RNLS: variants seen among roughly 807,000 people sequenced by gnomAD.
RNLS encodes the protein renalase.
RNLS carries 39 observed loss-of-function variants against 39.8 expected under a neutral mutation model. The ratio of observed to expected loss-of-function variants is 0.98; its 90% CI spans 0.76 to 1.28. RNLS has a LOEUF of 1.28. RNLS is among the 50% of genes most tolerant of loss of function. RNLS has a pLI of 0.00. For synonymous variants in RNLS, 147 were observed against 150.7 expected (o/e 0.98, Z 0.18); for missense variants, 410 against 413.3 (o/e 0.99, Z 0.07).
intron 4 of RNLS, among the ~76,000 whole-genome samples, chr10:88,471,962 C>T (rs1014926508): frequency 2.0e-5 from 3 of 152,054 alleles, no homozygotes; most frequent in Non-Finnish European, 4.4e-5. Flanking sequence ...AAAAAAAAGT[C>T]TTCACCATAA....
At chr10:88,351,854 T>C (rs1019113447) in intron 5 of RNLS, among the ~76,000 whole-genome samples, 1 of 152,258 alleles carries the variant, frequency 6.6e-6, no homozygotes, top group Non-Finnish European at 1.5e-5. Context: ...TGTTCTTCCA[T>C]TTGTTTGTGT....
At chr10:88,282,667 C>T (rs1221744518), downstream of RNLS, among the ~76,000 whole-genome samples, 1 of 151,990 alleles carries the variant, frequency 6.6e-6, no homozygotes, top group Non-Finnish European at 1.5e-5. Context: ...TCTTCCTCCC[C>T]GCCCTCCCCC....
Position 88,342,939 on chromosome 10 carries a change from T to C in RNLS, c.700+19613A>G, listed in dbSNP as rs532540383. ...ATTAGAACACAGCCACGCCCATTCT[T>C]TTATATGTCTATTGCTTGGGTTACA... On this transcript the variant is annotated intron_variant, in intron 5 of 6. Coordinates refer to ENST00000331772, the MANE Select transcript of RNLS (RefSeq NM_001031709.3). Among the ~76,000 whole-genome samples, 3 of 152,336 alleles carry C rather than the reference T, an allele frequency of 2.0e-5. No individual in the cohort carries two copies. In the East Asian group the frequency reaches 5.8e-4, roughly 29 times the overall value.
At chr10:88,446,273 A>G (rs1842030412) in intron 4 of RNLS, among the ~76,000 whole-genome samples, 1 of 152,262 alleles carries the variant, frequency 6.6e-6, no homozygotes, top group South Asian at 2.1e-4. Flanking sequence ...CAACGAGAAC[A>G]AAGACACAAC....
intron 4 of RNLS, among the ~76,000 whole-genome samples, chr10:88,394,829 T>C (rs1425841848): frequency 6.6e-6 from 1 of 152,064 alleles, no homozygotes; most frequent in Non-Finnish European, 1.5e-5. Flanking sequence ...ATTAAGAAAA[T>C]GTGGCACATA....
At chr10:88,545,465 A>C (rs905788000) in intron 4 of RNLS, 1 of 456,188 alleles carries the variant, frequency 2.2e-6, no homozygotes, top group African/African-American at 2.0e-5. Context: ...ACGTGGTGGC[A>C]GGCAAGACAG....
intron 4 of RNLS, among the ~76,000 whole-genome samples, chr10:88,381,659 T>G (rs924558872): frequency 6.6e-6 from 1 of 152,016 alleles, no homozygotes; most frequent in African/African-American, 2.4e-5. Context: ...TAAACAAATA[T>G]TAAGATGATA....
chr10:88,534,238 C>T lies in RNLS; in HGVS notation c.526+38665G>A, dbSNP rs150366474. 3.4e-3 allele frequency among the ~76,000 whole-genome samples: 520 copies of T among 152,162 alleles called. 6 individuals carry two copies. Among genetic ancestry groups the T allele is most frequent in the Non-Finnish European group, 2.4e-3 (161 of 67,986 alleles). On this transcript the variant is annotated intron_variant, in intron 4 of 6. Transcript: ENST00000331772. ...ATTTGTTTTATGGACTGGAGACCTGCAGCATTATGTAACATAGAAGCCCTG... is the reference window on the plus strand; with the variant it reads ...ATTTGTTTTATGGACTGGAGACCTGTAGCATTATGTAACATAGAAGCCCTG...
chr10:88,275,041 CA>C (rs1007322355), intron 6 of RNLS: 14 of 1,610,416 alleles, frequency 8.7e-6, no homozygotes, highest in Non-Finnish European at 1.1e-5. Context: ...ACCTGAAAAT[CA>C]AAGGAATATC....
intron 6 of RNLS, chr10:88,309,588 T>A: frequency 1.7e-6 from 1 of 584,702 alleles, no homozygotes; most frequent in Non-Finnish European, 2.9e-6. Context: ...GGAAAAGGCC[T>A]GAAGGAGCCA....
chr10:88,456,574 T>C (rs1842640663), intron 4 of RNLS, among the ~76,000 whole-genome samples: 1 of 152,154 alleles, frequency 6.6e-6, no homozygotes, highest in Non-Finnish European at 1.5e-5. Context: ...GTCCTGTGCC[T>C]GTGACATCAC....
intron 6 of RNLS, among the ~76,000 whole-genome samples, chr10:88,277,401 A>G (rs975281193): frequency 6.6e-6 from 1 of 152,204 alleles, no homozygotes; most frequent in African/African-American, 2.4e-5. Flanking sequence ...TGGGTGCAGC[A>G]AACCAACATG....
chr10:88,449,702 C>A (rs1333877767), intron 4 of RNLS, among the ~76,000 whole-genome samples: 1 of 151,976 alleles, frequency 6.6e-6, no homozygotes, highest in African/African-American at 2.4e-5. Flanking sequence ...ATTTTTAATA[C>A]TAGAGTTAAG....
At chr10:88,563,146 T>C (rs1179489195) in intron 4 of RNLS, among the ~76,000 whole-genome samples, 1 of 152,156 alleles carries the variant, frequency 6.6e-6, no homozygotes, top group Admixed American at 6.5e-5. Context: ...CCTAAACTAA[T>C]GCAGTGTAAT....
At chr10:88,236,538 T>C in the RNLS span, among the ~76,000 whole-genome samples, 6 of 152,202 alleles carry the variant, frequency 3.9e-5, no homozygotes, top group Non-Finnish European at 8.8e-5. Flanking sequence ...GGTAAATGGT[T>C]GCTCAACACA....
intron 4 of RNLS, among the ~76,000 whole-genome samples, chr10:88,388,913 T>C (rs1396977801): frequency 6.6e-6 from 1 of 152,182 alleles, no homozygotes; most frequent in African/African-American, 2.4e-5. Context: ...TATCAGGGAA[T>C]TAACATACCC....
chr10:88,366,374 T>C (rs567583292), intron 4 of RNLS, among the ~76,000 whole-genome samples: 49 of 152,008 alleles, frequency 3.2e-4, no homozygotes, highest in Non-Finnish European at 1.3e-4. Context: ...CAAGCAGCTA[T>C]TGCAGAAGTC....
At chr10:88,333,477 G>A (rs1024905009) in intron 5 of RNLS, among the ~76,000 whole-genome samples, 3 of 152,116 alleles carry the variant, frequency 2.0e-5, no homozygotes, top group South Asian at 2.1e-4. Flanking sequence ...GTTTAATAAC[G>A]GAAACACAAT....
the RNLS span, among the ~76,000 whole-genome samples, chr10:88,207,433 C>T: frequency 6.6e-6 from 1 of 152,078 alleles, no homozygotes; most frequent in Admixed American, 6.6e-5. Flanking sequence ...AGACACTCAG[C>T]TGAACTGACC....
Sources: allele counts gnomAD v4.1 joint callset (sites outside exome capture counted in the v4.1 genomes callset), GRCh38; gene constraint gnomAD v4.1.1; transcripts MANE v1.5; gene names NCBI Gene and HGNC (gene_info 2026-07-23, HGNC 2026-07-21).